The following FBLN5 variants were observed in gnomAD, a reference collection of about 807,000 sequenced individuals.
FBLN5 encodes the protein fibulin-5.
In FBLN5, 24 loss-of-function variants were observed where a neutral mutation model predicts 61.6. That is an observed-to-expected ratio of 0.39 (90% CI 0.28 to 0.55). The LOEUF (loss-of-function observed/expected upper bound fraction) is 0.55. Among genes scored for constraint, FBLN5 ranks in the 20% least tolerant of loss-of-function variants. The probability of loss-of-function intolerance (pLI) is 0.65; values close to 1 mark genes in which losing one functional copy is unlikely to be tolerated. For missense variants in FBLN5, 470 were observed against 594.1 expected (o/e 0.79, Z 2.17); for synonymous variants, 213 against 219.8 (o/e 0.97, Z 0.27).
chr14:91,921,735 A>G (rs964764434), intron 4 of FBLN5, among the ~76,000 whole-genome samples: 4 of 152,162 alleles, frequency 2.6e-5, no homozygotes, highest in Admixed American at 2.0e-4. Context: ...ATCTGAACTG[A>G]GCTGAAGCCA....
intron 4 of FBLN5, among the ~76,000 whole-genome samples, chr14:91,904,797 G>A (rs2254320): frequency 0.43 from 65,813 of 152,096 alleles, 14,445 homozygotes; most frequent in Middle Eastern, 0.59. Flanking sequence ...TGTGGATAAT[G>A]GGCTTCAACA....
intron 4 of FBLN5, among the ~76,000 whole-genome samples, chr14:91,914,481 A>G (rs1891098654): frequency 7.0e-6 from 1 of 143,674 alleles, no homozygotes; most frequent in African/African-American, 2.6e-5. Flanking sequence ...CTGTCTCAAA[A>G]AAAAAAAAAA....
intron 7 of FBLN5, among the ~76,000 whole-genome samples, chr14:91,885,227 G>T (rs1042876790): frequency 3.9e-5 from 6 of 152,216 alleles, no homozygotes; most frequent in Admixed American, 2.0e-4. Flanking sequence ...CTTCAGGAGG[G>T]TGTGCATCAT....
chr14:91,916,206 G>C (rs1891191277), intron 4 of FBLN5, among the ~76,000 whole-genome samples: 1 of 152,184 alleles, frequency 6.6e-6, no homozygotes, highest in African/African-American at 2.4e-5. Context: ...AGCACTTTGG[G>C]AGGCCGAGGT....
In FBLN5 at chr14:91,894,951, T is replaced by G. The variant is rs760869317; in HGVS notation, c.501A>C (p.Leu167Phe). 30 of 1,613,034 alleles carry G rather than the reference T, an allele frequency of 1.9e-5. No individual in the cohort carries two copies. The South Asian group carries it at 3.1e-4, about 17-fold the overall frequency. The change falls in exon 5 of 11, where the codon TTA becomes TTC. Residue 167 changes from leucine (L) to phenylalanine (F), a missense_variant and splice_region_variant. By Grantham distance (22) the Leu-to-Phe change is conservative. Coordinates refer to ENST00000342058, the MANE Select transcript of FBLN5 (RefSeq NM_006329.4). The stretch of plus-strand genomic sequence containing the variant: ...GTGACCCCCCCAGAGAGCTGTTACC[T>G]AAGCACTGGCCTTCCAGAAGCCAAT... ...DGYWLLEGQC[L>F]DIDECRYGYC...
rs2055913895 is a variant in FBLN5 at position 91,931,059 on chromosome 14, C to T, written c.379+5888G>A. On this transcript the variant is annotated intron_variant, in intron 4 of 10. Transcript: ENST00000342058. The stretch of plus-strand genomic sequence containing the variant: ...GCGTAAACACTGGGCAAGGTGTTTG[C>T]ACATGTTATCTGTGAGACAGGCATT... Among the ~76,000 whole-genome samples the T allele has an allele frequency of 2.0e-5, 3 of 152,272 alleles. No homozygotes were observed. The South Asian group carries it at 6.2e-4, about 32-fold the overall frequency.
chr14:91,877,991 G>C, intron 9 of FBLN5: 1 of 493,006 alleles, frequency 2.0e-6, no homozygotes, highest in Non-Finnish European at 4.0e-6. Context: ...TGCCACGTAG[G>C]CCAAATATGC....
intron 2 of FBLN5, chr14:91,942,021 G>A: frequency 2.7e-6 from 1 of 375,316 alleles, no homozygotes; most frequent in Non-Finnish European, 5.3e-6. Context: ...TATGAAGAGA[G>A]AAAATGCTCC....
chr14:91,892,801 G>A (rs1322304399), intron 5 of FBLN5, among the ~76,000 whole-genome samples: 1 of 152,234 alleles, frequency 6.6e-6, no homozygotes, highest in Non-Finnish European at 1.5e-5. Context: ...ACACAGAACA[G>A]ACAGTGTGTG....
At chr14:91,887,444 C>A (rs1048805147) in intron 6 of FBLN5, 132 bp from the exon 7 acceptor site, 4 of 926,546 alleles carry the variant, frequency 4.3e-6, no homozygotes, top group Non-Finnish European at 7.0e-6. Context: ...GGCTCTCCAC[C>A]CAGGACCTTT....
intron 4 of FBLN5, among the ~76,000 whole-genome samples, chr14:91,922,295 A>AAAT (rs1342796615): frequency 2.0e-5 from 3 of 147,936 alleles, no homozygotes; most frequent in Non-Finnish European, 4.4e-5. Context: ...TCTGTCTCAA[A>AAAT]AATAATAATA....
At chr14:91,874,519 C>T (rs956487493) in intron 10 of FBLN5, 1 of 152,188 alleles carries the variant, frequency 6.6e-6, no homozygotes, top group African/African-American at 2.4e-5. Flanking sequence ...AGGTTCAAAT[C>T]CTGCCCTGGT....
intron 4 of FBLN5, among the ~76,000 whole-genome samples, chr14:91,919,176 C>G (rs2055681140): frequency 6.6e-6 from 1 of 151,536 alleles, no homozygotes; most frequent in African/African-American, 2.4e-5. Flanking sequence ...AGTAAAAATA[C>G]AAAAATTAGC....
At chr14:91,906,668 G>A (rs1259810995) in intron 4 of FBLN5, among the ~76,000 whole-genome samples, 1 of 152,240 alleles carries the variant, frequency 6.6e-6, no homozygotes, top group African/African-American at 2.4e-5. Context: ...ACCCCTCTAT[G>A]GGCACCAGCA....
chr14:91,918,508 G>A (rs1344223226), intron 4 of FBLN5, among the ~76,000 whole-genome samples: 1 of 152,180 alleles, frequency 6.6e-6, no homozygotes, highest in African/African-American at 2.4e-5. Context: ...AGAGGAATTC[G>A]ATTTGAACTC....
intron 2 of FBLN5, chr14:91,941,911 A>G: frequency 2.9e-6 from 1 of 345,936 alleles, no homozygotes; most frequent in East Asian, 7.7e-5. Flanking sequence ...TGTGTACACC[A>G]TGAGGCTGCC....
At chr14:91,944,879 A>C (rs2056159921) in intron 1 of FBLN5, among the ~76,000 whole-genome samples, 2 of 152,236 alleles carry the variant, frequency 1.3e-5, no homozygotes, top group Admixed American at 6.5e-5. Context: ...TTGCACAGCA[A>C]TGTGAATGCA....
At chr14:91,893,393 C>A (rs1313704049) in intron 5 of FBLN5, among the ~76,000 whole-genome samples, 1 of 152,300 alleles carries the variant, frequency 6.6e-6, no homozygotes, top group East Asian at 1.9e-4. Flanking sequence ...CATGTGCAAG[C>A]CTGGAAAGGA....
chr14:91,894,817 T>G, intron 5 of FBLN5, 133 bp downstream of exon 5: 1 of 542,154 alleles, frequency 1.8e-6, no homozygotes, highest in Non-Finnish European at 3.5e-6. Context: ...TTCAATAGCC[T>G]TCCACCCCTC....
Sources: gnomAD v4.1 joint callset for allele counts (sites outside exome capture counted in the v4.1 genomes callset) on GRCh38, gnomAD v4.1.1 for gene constraint, MANE v1.5 for transcripts, NCBI Gene and HGNC (gene_info 2026-07-23, HGNC 2026-07-21) for gene names.